The following CCDC18 variants were observed in gnomAD, a reference collection of about 807,000 sequenced individuals.
CCDC18 encodes the protein coiled-coil domain-containing protein 18.
Under a neutral mutation model 196.0 loss-of-function variants are expected in CCDC18, and 157 were observed. That is an observed-to-expected ratio of 0.80 (90% CI 0.70 to 0.91). The LOEUF (loss-of-function observed/expected upper bound fraction) is 0.91, where lower values mean the gene tolerates loss of function less well. Among genes scored for constraint, CCDC18 ranks in the 40% least tolerant of loss-of-function variants. The pLI is 0.00. For synonymous variants in CCDC18, 482 were observed against 529.2 expected (o/e 0.91, Z 1.22); for missense variants, 1,465 against 1,611.6 (o/e 0.91, Z 1.56).
chr1:93,206,205 C>A (rs938073815), intron 8 of CCDC18, among the ~76,000 whole-genome samples: 1 of 152,038 alleles, frequency 6.6e-6, no homozygotes, highest in Non-Finnish European at 1.5e-5. Flanking sequence ...GAGCAGGAAG[C>A]AATCAATGAC....
At position 93,183,343 on chromosome 1, in the gene CCDC18, T is replaced by C; in HGVS notation, c.-2-17T>C. On this transcript the variant is annotated splice_polypyrimidine_tract_variant and intron_variant, in intron 1 of 28. Transcript: ENST00000690025. Reference sequence around the variant, plus strand: ...AATCTTTCAGACAAGGTACAAGAAATTCATTTTTTTTTTAAGAAATGGAAT... The same window carrying C: ...AATCTTTCAGACAAGGTACAAGAAACTCATTTTTTTTTTAAGAAATGGAAT... 1.3e-6 allele frequency: 2 copies of C among 1,515,672 alleles called. No individual in the cohort carries two copies. The highest frequency in any genetic ancestry group is 2.6e-5 in the South Asian group (2 of 76,706). 93.9% of individuals were successfully genotyped at this position (1,515,672 alleles called of 1,614,324 possible).
At chr1:93,211,087 C>T (rs1425365180) in intron 10 of CCDC18, among the ~76,000 whole-genome samples, 161 bp downstream of exon 10, 3 of 151,768 alleles carry the variant, frequency 2.0e-5, no homozygotes, top group Non-Finnish European at 4.4e-5. Flanking sequence ...CCAGCCTGAC[C>T]AACATGGTGA....
intron 26 of CCDC18, among the ~76,000 whole-genome samples, chr1:93,262,531 A>G (rs972144162): frequency 2.0e-5 from 3 of 152,142 alleles, no homozygotes; most frequent in Non-Finnish European, 4.4e-5. Context: ...CTCCAAAATA[A>G]TCTCCTTTGA....
chr1:93,231,191 T>C (rs116008496), intron 17 of CCDC18, among the ~76,000 whole-genome samples: 20 of 152,340 alleles, frequency 1.3e-4, no homozygotes, highest in Admixed American at 3.3e-4. Flanking sequence ...CTATTTACTA[T>C]AAGGAGTTTA....
At chr1:93,260,294 G>A (rs905859078) in intron 26 of CCDC18, among the ~76,000 whole-genome samples, 5 of 152,154 alleles carry the variant, frequency 3.3e-5, no homozygotes, top group African/African-American at 1.2e-4. Context: ...TAAGGCAGCA[G>A]AATTGCTTGA....
intron 1 of CCDC18, among the ~76,000 whole-genome samples, chr1:93,181,993 G>T (rs555864545): frequency 6.6e-6 from 1 of 152,284 alleles, no homozygotes; most frequent in African/African-American, 2.4e-5. Context: ...GTACCAAATG[G>T]TATTATAGAA....
Position 93,270,362 on chromosome 1 carries a change from A to C in CCDC18, c.3901A>C (p.Arg1301=), listed in dbSNP as rs1221445538. ...TTATCTGCAGGAATCAGAATTAACCAGATTACAGGCCAAAATTTCTGGACA... is the reference window on the plus strand; with the variant it reads ...TTATCTGCAGGAATCAGAATTAACCCGATTACAGGCCAAAATTTCTGGACA... ...ALLTKESELT[R]LQAKISGHEK... Residue 1301 remains arginine, a synonymous_variant, in exon 28 of 29, where the codon AGA becomes CGA. Transcript: ENST00000690025. The C allele has an allele frequency of 6.5e-7, 1 of 1,546,334 alleles. No individual in the cohort carries two copies. The highest frequency in any genetic ancestry group is 1.2e-5 in the South Asian group (1 of 83,838).
At chr1:93,244,538 G>A (rs866494242) in intron 21 of CCDC18, among the ~76,000 whole-genome samples, 1 of 152,138 alleles carries the variant, frequency 6.6e-6, no homozygotes, top group Non-Finnish European at 1.5e-5. Context: ...AAAGATTAGT[G>A]GTTGCCAGGG....
intron 6 of CCDC18, among the ~76,000 whole-genome samples, chr1:93,198,940 C>T (rs971253778): frequency 6.6e-6 from 1 of 152,176 alleles, no homozygotes. Flanking sequence ...AGCCACTGTG[C>T]CTGGCTTTAA....
chr1:93,199,593 C>T (rs1024804905), intron 6 of CCDC18, among the ~76,000 whole-genome samples: 2 of 152,176 alleles, frequency 1.3e-5, no homozygotes, highest in Non-Finnish European at 2.9e-5. Context: ...GAGCAGGGGG[C>T]GTGTTTCAGC....
intron 1 of CCDC18, among the ~76,000 whole-genome samples, chr1:93,182,867 TTGTAA>T (rs900587790): frequency 6.6e-6 from 1 of 152,190 alleles, no homozygotes; most frequent in Non-Finnish European, 1.5e-5. Flanking sequence ...TGTCCAGTAC[TTGTAA>T]TGTAATTATG....
intron 23 of CCDC18, among the ~76,000 whole-genome samples, chr1:93,250,638 G>A (rs1662112295): frequency 6.6e-6 from 1 of 152,118 alleles, no homozygotes; most frequent in Admixed American, 6.6e-5. Flanking sequence ...ATACTCGGGA[G>A]CTTTATATGC....
At chr1:93,260,365 C>T (rs1388615623) in intron 26 of CCDC18, among the ~76,000 whole-genome samples, 1 of 152,094 alleles carries the variant, frequency 6.6e-6, no homozygotes, top group Admixed American at 6.5e-5. Context: ...GTCTGCGTGA[C>T]AAGAGTGAAA....
chr1:93,202,704 A>C (rs143863206), intron 7 of CCDC18, among the ~76,000 whole-genome samples: 21 of 152,324 alleles, frequency 1.4e-4, no homozygotes, highest in South Asian at 2.1e-4. Flanking sequence ...TTTATTAAAC[A>C]ATCATGAAAT....
chr1:93,232,074 G>T (rs932204133), intron 17 of CCDC18, among the ~76,000 whole-genome samples: 1 of 152,050 alleles, frequency 6.6e-6, no homozygotes, highest in Admixed American at 6.6e-5. Context: ...TTTTATTGGG[G>T]GCTTGTCACA....
Position 93,241,939 on chromosome 1 carries a change from A to G in CCDC18, c.2981+2043A>G, listed in dbSNP as rs533667392. Among the ~76,000 whole-genome samples, 16 of 152,276 alleles carry G rather than the reference A, an allele frequency of 1.1e-4. No individual in the cohort carries two copies. The East Asian group carries it at 2.7e-3, about 26-fold the overall frequency. On this transcript the variant is annotated intron_variant, in intron 21 of 28. Coordinates refer to ENST00000690025, the MANE Select transcript of CCDC18 (RefSeq NM_001378204.1). ...AGTGTAGAAAAAAAATGAAACCCTC[A>G]TTCATTGCTGGAGGGGATCTAAAAT...
At chr1:93,235,154 G>A (rs1659904906) in intron 18 of CCDC18, among the ~76,000 whole-genome samples, 1 of 151,850 alleles carries the variant, frequency 6.6e-6, no homozygotes, top group African/African-American at 2.4e-5. Context: ...TCTATATTTA[G>A]TTCTTCAGTG....
intron 14 of CCDC18, among the ~76,000 whole-genome samples, chr1:93,220,213 A>G (rs1416337060): frequency 1.3e-5 from 2 of 152,222 alleles, no homozygotes; most frequent in South Asian, 2.1e-4. Context: ...AACTATGGAC[A>G]TAAGAAGATG....
chr1:93,202,280 A>G (rs1021973224), intron 7 of CCDC18, among the ~76,000 whole-genome samples: 2 of 152,208 alleles, frequency 1.3e-5, no homozygotes, highest in Non-Finnish European at 1.5e-5. Context: ...AAAGAAGTAG[A>G]AAAAAGAAAT....
Sources: allele counts gnomAD v4.1 joint callset (sites outside exome capture counted in the v4.1 genomes callset), GRCh38; gene constraint gnomAD v4.1.1; transcripts MANE v1.5; gene names NCBI Gene and HGNC (gene_info 2026-07-23, HGNC 2026-07-21).